The following ZKSCAN5 variants were observed in gnomAD, a reference collection of about 807,000 sequenced individuals.
ZKSCAN5 encodes the protein zinc finger with KRAB and SCAN domains 5.
ZKSCAN5 carries 28 observed loss-of-function variants against 60.0 expected under a neutral mutation model. That is an observed-to-expected ratio of 0.47 (90% CI 0.35 to 0.64). The LOEUF (loss-of-function observed/expected upper bound fraction) is 0.64. ZKSCAN5 is among the 30% of genes least tolerant of loss of function. ZKSCAN5 has a pLI of 0.01. For synonymous variants in ZKSCAN5, 361 were observed against 371.2 expected (o/e 0.97, Z 0.31); for missense variants, 881 against 1,034.6 (o/e 0.85, Z 2.04).
rs1461863929 is a variant in ZKSCAN5, at chr7:99,534,535, G to A, written c.*2286G>A. 6.6e-6 allele frequency: 1 copy of A among 152,170 alleles called. No homozygotes were observed. The highest frequency in any genetic ancestry group is 2.4e-5 in the African/African-American group (1 of 41,402). 9.4% of individuals were successfully genotyped at this position (152,170 alleles called of 1,614,324 possible). ...TCTACTTAAAATACAAAAATTAGCT[G>A]GGCATAGTGGCGCATGCCTATAGTC... On this transcript the variant is annotated 3_prime_UTR_variant, in exon 7 of 7. Coordinates refer to ENST00000326775, the MANE Select transcript of ZKSCAN5 (RefSeq NM_145102.4).
Position 99,526,321 on chromosome 7 carries a change from G to A in ZKSCAN5, c.1281G>A (p.Glu427=). The A allele has an allele frequency of 6.2e-7, 1 of 1,610,708 alleles. No homozygotes were observed. Among genetic ancestry groups the A allele is most frequent in the South Asian group, 1.1e-5 (1 of 91,082 alleles). ...LVQHHSVHSG[E]RPYGCNECGK... ...AGCACCACAGTGTCCACAGCGGAGAGAGGCCCTATGGCTGCAATGAGTGTG... is the reference window on the plus strand; with the variant it reads ...AGCACCACAGTGTCCACAGCGGAGAAAGGCCCTATGGCTGCAATGAGTGTG... Residue 427 remains glutamate (E), a synonymous_variant, in exon 6 of 7, where the codon GAG becomes GAA. Coordinates refer to ENST00000326775, the MANE Select transcript of ZKSCAN5 (RefSeq NM_145102.4).
intron 2 of ZKSCAN5, among the ~76,000 whole-genome samples, chr7:99,510,243 AT>A (rs954205310): frequency 1.1e-3 from 142 of 132,952 alleles, no homozygotes; most frequent in Non-Finnish European, 1.1e-3. Context: ...CAGGTTTTAA[AT>A]TTTTTTTTTT....
At position 99,512,640 on chromosome 7, in the gene ZKSCAN5, C is replaced by G. The variant is rs367685687; in HGVS notation, c.553+49C>G. The G allele has an allele frequency of 6.3e-6, 10 of 1,587,652 alleles. No individual in the cohort carries two copies. In the African/African-American group the frequency reaches 1.2e-4, roughly 19 times the overall value. On this transcript the variant is annotated intron_variant, in intron 3 of 6. Transcript: ENST00000326775. ...ACTGATATAGCTCAAGAGTGGGTGC[C>G]TTGGCCATGTGGCAGGCACTATCTG...
chr7:99,519,650 A>G (rs1020479278), intron 3 of ZKSCAN5, among the ~76,000 whole-genome samples, 177 bp from the exon 4 acceptor site: 4 of 152,148 alleles, frequency 2.6e-5, no homozygotes, highest in African/African-American at 9.7e-5. Flanking sequence ...AGGGTAAAGG[A>G]GGAATAAAAC....
chr7:99,527,859 T>G (rs1364356950), intron 6 of ZKSCAN5, among the ~76,000 whole-genome samples: 1 of 152,032 alleles, frequency 6.6e-6, no homozygotes, highest in Non-Finnish European at 1.5e-5. Flanking sequence ...TAATTTTTTT[T>G]TGTATTTTTA....
intron 5 of ZKSCAN5, among the ~76,000 whole-genome samples, chr7:99,524,691 G>A (rs540175229): frequency 7.9e-5 from 12 of 152,278 alleles, no homozygotes; most frequent in Middle Eastern, 6.8e-3. Context: ...AAAGTAGTAG[G>A]TTCTTCTCAG....
rs758499731 is a variant in ZKSCAN5 at position 99,531,892 on chromosome 7, C to T, written c.2163C>T (p.Ile721=). 1.2e-6 allele frequency: 2 copies of T among 1,614,140 alleles called. No homozygotes were observed. The highest frequency in any genetic ancestry group is 1.7e-6 in the Non-Finnish European group (2 of 1,180,044). ...AAGAGCAGCCTTATCAGTGTGATAT[C>T]TGTGGAAAAGCCTTTGGTTATAGCT... ...ELQEQPYQCD[I]CGKAFGYSSD... Residue 721 remains isoleucine (I), a synonymous_variant, in exon 7 of 7, where the codon ATC becomes ATT. Coordinates refer to ENST00000326775, the MANE Select transcript of ZKSCAN5 (RefSeq NM_145102.4).
In ZKSCAN5 at chr7:99,520,168, G is replaced by C; in HGVS notation, c.637-1G>C. 1 of 1,611,500 alleles carries C rather than the reference G, an allele frequency of 6.2e-7. No individual in the cohort carries two copies. The highest frequency in any genetic ancestry group is 1.3e-5 in the African/African-American group (1 of 74,540). ...AATTTAGTGGAGATCTCCTGTTTCAGAAGTTGGTGAAAATTGAAGAGGTGG... is the reference window on the plus strand; with the variant it reads ...AATTTAGTGGAGATCTCCTGTTTCACAAGTTGGTGAAAATTGAAGAGGTGG... On this transcript the variant is annotated splice_acceptor_variant, in intron 4 of 6. Transcript: ENST00000326775. LOFTEE classifies it high-confidence loss of function.
Position 99,519,825 on chromosome 7 carries a change from A to T in ZKSCAN5, c.554-2A>T. Reference sequence around the variant, plus strand: ...CTTAAACCTCTTTTTCTCCTCCCTTAGCCCTTCCTGTTCTCCAAGTTCCTT... The same window carrying T: ...CTTAAACCTCTTTTTCTCCTCCCTTTGCCCTTCCTGTTCTCCAAGTTCCTT... On this transcript the variant is annotated splice_acceptor_variant, in intron 3 of 6. Transcript: ENST00000326775. LOFTEE classifies it high-confidence loss of function. 6.2e-7 allele frequency: 1 copy of T among 1,613,684 alleles called. No homozygotes were observed. The highest frequency in any genetic ancestry group is 8.5e-7 in the Non-Finnish European group (1 of 1,179,876).
chr7:99,528,057 G>T (rs941538088), intron 6 of ZKSCAN5, among the ~76,000 whole-genome samples: 6 of 151,302 alleles, frequency 4.0e-5, no homozygotes, highest in Non-Finnish European at 5.9e-5. Context: ...AAACTGTGCT[G>T]TGAACTTAAA....
chr7:99,526,356 T>G lies in ZKSCAN5; in HGVS notation c.1316T>G (p.Phe439Cys). 1.2e-6 allele frequency: 2 copies of G among 1,605,870 alleles called. No homozygotes were observed. The highest frequency in any genetic ancestry group is 1.7e-6 in the Non-Finnish European group (2 of 1,179,986). ...PYGCNECGKN[F>C]GRHSHLIEHL... Reference sequence around the variant, plus strand: ...GGCTGCAATGAGTGTGGGAAGAACTTCGGTCGCCATTCGCATCTGATCGAA... The same window carrying G: ...GGCTGCAATGAGTGTGGGAAGAACTGCGGTCGCCATTCGCATCTGATCGAA... Residue 439 changes from phenylalanine (F) to cysteine (C), a missense_variant, in exon 6 of 7, where the codon TTC becomes TGC. By Grantham distance (205) the Phe-to-Cys change is radical (BLOSUM62 -2). Around this residue, in one of 5 missense-constraint regions of ZKSCAN5, gnomAD observed 490 missense variants for 554.5 expected, o/e 0.88. Transcript: ENST00000326775.
rs768210094 is a variant in ZKSCAN5 at position 99,531,233 on chromosome 7, G to A, written c.1504G>A (p.Glu502Lys). 7.2e-5 allele frequency: 117 copies of A among 1,614,156 alleles called. 1 individual carries two copies. The South Asian group carries it at 1.2e-3, about 16-fold the overall frequency. ...TGTTTCTCAAGTTCAAGATTTTGGA[G>A]AAGGCTGTGAGTTTCAAGGCAAGCT... ...RNVSQVQDFGEGCEFQGKLDR... is the reference protein window; with the variant it reads ...RNVSQVQDFGKGCEFQGKLDR... Residue 502 changes from glutamate (E) to lysine (K), a missense_variant, in exon 7 of 7, where the codon GAA (glutamate) becomes AAA (lysine). Transcript: ENST00000326775.
Position 99,526,028 on chromosome 7 carries a change from G to A in ZKSCAN5, c.988G>A (p.Ala330Thr). The change falls in exon 6 of 7, where the codon GCA becomes ACA. Residue 330 changes from alanine (A) to threonine (T), a missense_variant. Ala to Thr is a moderately conservative substitution (Grantham distance 58). This residue lies in a region of ZKSCAN5 where 490 missense variants were observed against 554.5 expected (regional missense o/e 0.88). Coordinates refer to ENST00000326775, the MANE Select transcript of ZKSCAN5 (RefSeq NM_145102.4). ...TCCTTCCCAGAAAAGGGATCTGGAT[G>A]CAATCACAGACATCAGCCCTAAGCA... ...QNPSQKRDLD[A>T]ITDISPKQST... is the part of the protein sequence containing the mutation. 1.2e-6 allele frequency: 2 copies of A among 1,614,186 alleles called. No homozygotes were observed. The highest frequency in any genetic ancestry group is 1.7e-6 in the Non-Finnish European group (2 of 1,180,042).
intron 6 of ZKSCAN5, among the ~76,000 whole-genome samples, chr7:99,526,834 C>T (rs1584200293): frequency 3.9e-5 from 6 of 152,314 alleles, no homozygotes; most frequent in Admixed American, 6.5e-5. Flanking sequence ...GGATTACAGG[C>T]ATGAGCCACT....
chr7:99,526,188 A>G lies in ZKSCAN5; in HGVS notation c.1148A>G (p.Tyr383Cys), dbSNP rs373875783. Residue 383 changes from tyrosine (Y) to cysteine (C), a missense_variant, in exon 6 of 7, where the codon TAC becomes TGC. By Grantham distance (194) the Tyr-to-Cys change is radical (BLOSUM62 -2). This residue lies in a region of ZKSCAN5 where 490 missense variants were observed against 554.5 expected (regional missense o/e 0.88). Transcript: ENST00000326775. ...AAGTGCGGAGAATGTGGGAAGAGCT[A>G]CAATCAGCGGGTGCACCTCACCCAG... Reference protein sequence around the residue: ...PFKCGECGKSYNQRVHLTQHQ... With the variant: ...PFKCGECGKSCNQRVHLTQHQ... The G allele has an allele frequency of 1.2e-6, 2 of 1,614,086 alleles. No homozygotes were observed. Among genetic ancestry groups the G allele is most frequent in the African/African-American group, 2.7e-5 (2 of 74,932 alleles).
At chr7:99,511,058 A>G (rs978354832) in intron 2 of ZKSCAN5, among the ~76,000 whole-genome samples, 5 of 152,132 alleles carry the variant, frequency 3.3e-5, no homozygotes, top group Non-Finnish European at 5.9e-5. Context: ...GCTGTCTCTT[A>G]ATGGAACTCC....
At chr7:99,509,177 C>A (rs1041495370) in intron 2 of ZKSCAN5, among the ~76,000 whole-genome samples, 20 of 151,884 alleles carry the variant, frequency 1.3e-4, no homozygotes, top group Admixed American at 2.0e-4. Context: ...TTAGTAGAGA[C>A]AGGGTTTCGC....
chr7:99,517,779 G>A (rs1056170334), intron 3 of ZKSCAN5, among the ~76,000 whole-genome samples: 26 of 151,988 alleles, frequency 1.7e-4, no homozygotes, highest in Non-Finnish European at 2.8e-4. Flanking sequence ...CCTGGGAGGC[G>A]GAGGTTGCAG....
intron 3 of ZKSCAN5, among the ~76,000 whole-genome samples, chr7:99,518,566 G>A (rs887581586): frequency 3.3e-5 from 5 of 151,984 alleles, no homozygotes; most frequent in South Asian, 4.2e-4. Context: ...ATTAAAGCTC[G>A]AGCAGCCCTG....
Sources: allele counts gnomAD v4.1 joint callset (sites outside exome capture counted in the v4.1 genomes callset), GRCh38; gene constraint gnomAD v4.1.1; regional missense constraint gnomAD v4.1.1; transcripts MANE v1.5; gene names NCBI Gene and HGNC (gene_info 2026-07-23, HGNC 2026-07-21).